The following PIP5K1C variants were observed in gnomAD, a reference collection of about 807,000 sequenced individuals.
The protein encoded by PIP5K1C is phosphatidylinositol-4-phosphate 5-kinase type 1 gamma, also known as phosphatidylinositol 4-phosphate 5-kinase type-1 gamma.
In PIP5K1C, 45 loss-of-function variants were observed where a neutral mutation model predicts 80.1. That is an observed-to-expected ratio of 0.56 (90% CI 0.44 to 0.72). The LOEUF (loss-of-function observed/expected upper bound fraction) is 0.72. PIP5K1C is among the 30% of genes least tolerant of loss of function. PIP5K1C has a pLI of 0.00. For synonymous variants in PIP5K1C, 498 were observed against 420.1 expected, an observed-to-expected ratio of 1.19 and a Z score of -2.27; for missense variants, 753 against 954.6, an observed-to-expected ratio of 0.79 and a Z score of 2.78.
At chr19:3,658,523 A>G (rs960193439) in intron 5 of PIP5K1C, among the ~76,000 whole-genome samples, 2 of 151,816 alleles carry the variant, frequency 1.3e-5, no homozygotes, top group Non-Finnish European at 2.9e-5. Context: ...TCCCAGACAC[A>G]GGCGCAGCAG....
In PIP5K1C at chr19:3,648,365, T is replaced by C. The variant is rs372259786; in HGVS notation, c.1211+260A>G. Reference sequence around the variant, plus strand: ...CGACCAAACACCTTCCCTTTAGGGCTCAAGAAGGGGCAGCCAAGCAAGAGC... The same window carrying C: ...CGACCAAACACCTTCCCTTTAGGGCCCAAGAAGGGGCAGCCAAGCAAGAGC... On this transcript the variant is annotated intron_variant, in intron 9 of 17. Coordinates refer to ENST00000335312, the MANE Select transcript of PIP5K1C (RefSeq NM_012398.3). This position sits in a 1 kb window ranked among gnomAD's most constrained non-coding sequence, Gnocchi z 4.3. Among the ~76,000 whole-genome samples the C allele has an allele frequency of 3.2e-3, 480 of 152,258 alleles. 2 individuals carry two copies. The highest frequency in any genetic ancestry group is 3.9e-3 in the Non-Finnish European group (268 of 68,016).
rs998496591 is a variant in PIP5K1C at position 3,690,845 on chromosome 19, C to T, written c.94+9452G>A. Among the ~76,000 whole-genome samples the T allele has an allele frequency of 9.9e-5, 15 of 152,132 alleles. No individual in the cohort carries two copies. In the East Asian group the frequency reaches 1.5e-3, roughly 16 times the overall value. On this transcript the variant is annotated intron_variant, in intron 1 of 17. Transcript: ENST00000335312. ...AAAATGAGGTCAGAGTTCAACCTGA[C>T]GTGTGTGCTTACAAGAAGGAACTGT...
intron 3 of PIP5K1C, among the ~76,000 whole-genome samples, chr19:3,663,693 A>G (rs961114013): frequency 6.6e-6 from 1 of 152,108 alleles, no homozygotes; most frequent in Non-Finnish European, 1.5e-5. Context: ...ACCACCTCAC[A>G]CCCATGAGGA....
At chr19:3,681,705 A>T (rs550313971) in intron 1 of PIP5K1C, among the ~76,000 whole-genome samples, 1 of 152,182 alleles carries the variant, frequency 6.6e-6, no homozygotes, top group East Asian at 1.9e-4. Flanking sequence ...GGTCTCTGCT[A>T]GTCAAAGGCA....
At chr19:3,674,215 C>T (rs969695835) in intron 1 of PIP5K1C, 2 of 152,242 alleles carry the variant, frequency 1.3e-5, no homozygotes, top group Non-Finnish European at 2.9e-5. Context: ...GGAACTAACC[C>T]CAGGTATGAC....
At chr19:3,664,062 G>A (rs1387327486) in intron 3 of PIP5K1C, among the ~76,000 whole-genome samples, 4 of 152,178 alleles carry the variant, frequency 2.6e-5, no homozygotes, top group East Asian at 1.9e-4. Context: ...GCTCTGACAC[G>A]GGCCCCAGTG....
intron 8 of PIP5K1C, among the ~76,000 whole-genome samples, chr19:3,651,258 G>A (rs1424574271): frequency 6.6e-6 from 1 of 152,182 alleles, no homozygotes; most frequent in African/African-American, 2.4e-5. Context: ...GTCTTGCCAT[G>A]TTGCCCAGGC....
chr19:3,667,004 C>T (rs1376336747), intron 2 of PIP5K1C, among the ~76,000 whole-genome samples: 10 of 151,506 alleles, frequency 6.6e-5, no homozygotes, highest in Non-Finnish European at 1.3e-4. Context: ...CCACCGCCCA[C>T]CCCCCAGAAT....
intron 1 of PIP5K1C, among the ~76,000 whole-genome samples, chr19:3,679,822 C>T (rs1017510417): frequency 5.3e-5 from 8 of 152,342 alleles, no homozygotes; most frequent in African/African-American, 1.7e-4. Flanking sequence ...TGTGGCTTGA[C>T]GTGCTGCGCT....
At chr19:3,694,118 A>G (rs576876773) in intron 1 of PIP5K1C, among the ~76,000 whole-genome samples, 122 of 151,416 alleles carry the variant, frequency 8.1e-4, no homozygotes, top group South Asian at 1.9e-3. Flanking sequence ...AGGCTGAGGC[A>G]GGAGAATGGC....
intron 16 of PIP5K1C, among the ~76,000 whole-genome samples, chr19:3,638,588 C>T (rs2033807294): frequency 6.6e-6 from 1 of 152,212 alleles, no homozygotes; most frequent in Non-Finnish European, 1.5e-5. Flanking sequence ...GTGCCGTGGG[C>T]ACAAGGCCGG....
rs2034101542 is a variant in PIP5K1C at position 3,644,077 on chromosome 19, T to C, written c.1510+10A>G. 7 of 1,610,152 alleles carry C rather than the reference T, an allele frequency of 4.3e-6. No individual in the cohort carries two copies. The highest frequency in any genetic ancestry group is 5.9e-6 in the Non-Finnish European group (7 of 1,179,794). Reference sequence around the variant, plus strand: ...GCGCCCACAAGCGCACTCTGCCCTCTGCCCCTCACCTTCGTCCTCCAGCGT... The same window carrying C: ...GCGCCCACAAGCGCACTCTGCCCTCCGCCCCTCACCTTCGTCCTCCAGCGT... On this transcript the variant is annotated intron_variant, in intron 12 of 17. Transcript: ENST00000335312.
At chr19:3,680,686 A>G (rs2035564905) in intron 1 of PIP5K1C, among the ~76,000 whole-genome samples, 1 of 152,230 alleles carries the variant, frequency 6.6e-6, no homozygotes, top group Non-Finnish European at 1.5e-5. Flanking sequence ...CTATTACTAC[A>G]TAGGTCAAAA....
chr19:3,698,193 G>C (rs1024027244), intron 1 of PIP5K1C, among the ~76,000 whole-genome samples: 1 of 152,240 alleles, frequency 6.6e-6, no homozygotes, highest in African/African-American at 2.4e-5. Context: ...TGGAGGCACC[G>C]ATGGTGGAGA....
At chr19:3,662,250 C>A (rs1022717975) in intron 3 of PIP5K1C, among the ~76,000 whole-genome samples, 2 of 152,244 alleles carry the variant, frequency 1.3e-5, no homozygotes, top group Non-Finnish European at 2.9e-5. Context: ...TGCCGCACCA[C>A]GTCACTCAGC....
chr19:3,653,699 C>A (rs1187334411), intron 6 of PIP5K1C, 110 bp from the exon 7 acceptor site: 1 of 1,029,254 alleles, frequency 9.7e-7, no homozygotes, highest in Non-Finnish European at 1.4e-6. Context: ...TGGCCAGCCC[C>A]CCTCTCTCCC....
chr19:3,637,645 G>C lies in PIP5K1C; in HGVS notation c.1920+1239C>G. On this transcript the variant is annotated intron_variant, in intron 16 of 17. Transcript: ENST00000335312. This position sits in a 1 kb window ranked among gnomAD's most constrained non-coding sequence, Gnocchi z 7.0. ...GGGGCGGGCCGGGTGGGCCGGAGGA[G>C]GAAGGAAAACAGAGGACAGCGGATG... 2 of 1,515,368 alleles carry C rather than the reference G, an allele frequency of 1.3e-6. No individual in the cohort carries two copies. The highest frequency in any genetic ancestry group is 1.8e-6 in the Non-Finnish European group (2 of 1,134,260). 93.9% of individuals were successfully genotyped at this position (1,515,368 alleles called of 1,614,324 possible).
At chr19:3,683,045 C>T (rs1600076768) in intron 1 of PIP5K1C, among the ~76,000 whole-genome samples, 1 of 151,570 alleles carries the variant, frequency 6.6e-6, no homozygotes, top group Non-Finnish European at 1.5e-5. Context: ...TGCGCCTCTG[C>T]CTGGAACTCT....
chr19:3,661,156 C>CCTAG, intron 4 of PIP5K1C, 73 bp from the exon 5 acceptor site: 1 of 996,586 alleles, frequency 1.0e-6, no homozygotes, highest in East Asian at 2.4e-5. Flanking sequence ...CATGGTCCCT[C>CCTAG]CTAGTGCCTC....
Sources: gnomAD v4.1 joint callset for allele counts (sites outside exome capture counted in the v4.1 genomes callset) on GRCh38, gnomAD v4.1.1 for gene constraint, Gnocchi (gnomAD v3.1) non-coding constraint, MANE v1.5 for transcripts, NCBI Gene and HGNC (gene_info 2026-07-23, HGNC 2026-07-21) for gene names.